Variants in RELN observed in about 807,000 individuals in gnomAD.
The protein encoded by RELN is reelin.
RELN carries 108 observed loss-of-function variants against 427.6 expected under a neutral mutation model. The observed-to-expected ratio is 0.25, with a 90% CI of 0.22 to 0.30. RELN has a LOEUF of 0.30. RELN is among the 10% of genes least tolerant of loss of function. The pLI, the probability that RELN is intolerant of heterozygous loss-of-function variation, is 1.00. For synonymous variants in RELN, 1,524 were observed against 1,513.4 expected (o/e 1.01, Z -0.16); for missense variants, 3,715 against 4,302.8 (o/e 0.86, Z 3.82).
chr7:103,647,534 A>G (rs1316752295), intron 16 of RELN, among the ~76,000 whole-genome samples: 2 of 116,930 alleles, frequency 1.7e-5, no homozygotes, highest in African/African-American at 3.1e-5. Context: ...TGAAACACTG[A>G]TGAAAAAAAA....
intron 2 of RELN, among the ~76,000 whole-genome samples, chr7:103,904,975 CTTTTTTTT>C (rs67024941): frequency 1.8e-4 from 14 of 77,362 alleles, no homozygotes; most frequent in East Asian, 4.5e-4. Flanking sequence ...AAGTTCTTTC[CTTTTTTTT>C]TTTTTTTTTT....
chr7:103,769,067 T>C (rs1194311846), intron 4 of RELN, among the ~76,000 whole-genome samples: 1 of 152,208 alleles, frequency 6.6e-6, no homozygotes, highest in Non-Finnish European at 1.5e-5. Flanking sequence ...TCACACCAAC[T>C]GACCTTGAAT....
At chr7:103,745,797 C>A (rs1163145852) in intron 6 of RELN, among the ~76,000 whole-genome samples, 1 of 152,066 alleles carries the variant, frequency 6.6e-6, no homozygotes, top group Non-Finnish European at 1.5e-5. Flanking sequence ...ACATTCCATG[C>A]TCATGGGTAG....
At chr7:103,571,149 T>C (rs1466623526) in intron 31 of RELN, among the ~76,000 whole-genome samples, 3 of 152,336 alleles carry the variant, frequency 2.0e-5, no homozygotes, top group East Asian at 3.9e-4. Context: ...AACACAGCTG[T>C]TGGTAGCTCT....
At chr7:103,507,197 A>G (rs1168314858) in intron 51 of RELN, among the ~76,000 whole-genome samples, 1 of 152,232 alleles carries the variant, frequency 6.6e-6, no homozygotes, top group Non-Finnish European at 1.5e-5. Context: ...AGACATCTAC[A>G]GAACTCTCCA....
intron 24 of RELN, among the ~76,000 whole-genome samples, chr7:103,602,535 C>G (rs1286352694): frequency 6.6e-6 from 1 of 152,110 alleles, no homozygotes; most frequent in Non-Finnish European, 1.5e-5. Context: ...TTTGCAGGGA[C>G]ATGGATGAAG....
At position 103,496,403 on chromosome 7, in the gene RELN, T is replaced by G. The variant is rs190932068; in HGVS notation, c.9193+123A>C. 3.6e-3 allele frequency: 4,799 copies of G among 1,333,474 alleles called. 19 individuals carry two copies. Among genetic ancestry groups the G allele is most frequent in the Middle Eastern group, 8.4e-3 (46 of 5,470 alleles). 82.6% of individuals were successfully genotyped at this position (1,333,474 alleles called of 1,614,324 possible). A position where few individuals can be genotyped will look rare whatever the true frequency, so the allele number is the denominator to read the frequency against. On this transcript the variant is annotated intron_variant, in intron 56 of 64. Coordinates refer to ENST00000428762, the MANE Select transcript of RELN (RefSeq NM_005045.4). Reference sequence around the variant, plus strand: ...CCACTGGGCAAAATAACAGCTAACATTTGTTGAGCAGGAGTATGGGCTAGG... The same window carrying G: ...CCACTGGGCAAAATAACAGCTAACAGTTGTTGAGCAGGAGTATGGGCTAGG...
At chr7:103,776,763 G>C (rs1791753220) in intron 3 of RELN, 136 bp from the exon 4 acceptor site, 2 of 881,428 alleles carry the variant, frequency 2.3e-6, no homozygotes, top group Admixed American at 2.1e-5. Flanking sequence ...CATCAGAAGA[G>C]TGATATAAAT....
chr7:103,957,771 T>C (rs531275178), intron 1 of RELN, among the ~76,000 whole-genome samples: 2 of 152,186 alleles, frequency 1.3e-5, no homozygotes, highest in Non-Finnish European at 2.9e-5. Context: ...TCCTGGATTG[T>C]TGGCTAAGTG....
intron 11 of RELN, among the ~76,000 whole-genome samples, chr7:103,673,761 C>G (rs750502738): frequency 6.6e-6 from 1 of 152,046 alleles, no homozygotes; most frequent in African/African-American, 2.4e-5. Context: ...TAAAAAAATG[C>G]TTAATGCTAC....
At chr7:103,681,819 A>C (rs1486193224) in intron 11 of RELN, among the ~76,000 whole-genome samples, 1 of 152,222 alleles carries the variant, frequency 6.6e-6, no homozygotes, top group Non-Finnish European at 1.5e-5. Flanking sequence ...TTTGTATTCT[A>C]TAAACATTGG....
intron 63 of RELN, among the ~76,000 whole-genome samples, chr7:103,481,248 A>C (rs62480380): frequency 0.012 from 1,844 of 152,230 alleles, 22 homozygotes; most frequent in Non-Finnish European, 0.018. Context: ...AGTGCAATTG[A>C]TTGTTTGGGC....
intron 2 of RELN, among the ~76,000 whole-genome samples, chr7:103,878,453 A>G (rs1794534502): frequency 6.6e-6 from 1 of 152,110 alleles, no homozygotes; most frequent in African/African-American, 2.4e-5. Context: ...ATATCTCAGA[A>G]CTGTTCCTGA....
chr7:103,498,498 A>T (rs929082480), intron 53 of RELN, among the ~76,000 whole-genome samples: 2 of 150,042 alleles, frequency 1.3e-5, no homozygotes, highest in Non-Finnish European at 3.0e-5. Context: ...GACTATATCA[A>T]TTTTTTTTTT....
intron 1 of RELN, among the ~76,000 whole-genome samples, chr7:103,966,302 G>T (rs1467356969): frequency 1.3e-5 from 2 of 152,192 alleles, no homozygotes; most frequent in African/African-American, 2.4e-5. Flanking sequence ...CCTGCACAGG[G>T]TGTCAGCCCA....
chr7:103,926,704 G>A (rs571466897), intron 1 of RELN, among the ~76,000 whole-genome samples: 18 of 142,712 alleles, frequency 1.3e-4, no homozygotes, highest in African/African-American at 4.7e-4. Context: ...GAGGGCAGTG[G>A]CCTGATCTCA....
At position 103,770,241 on chromosome 7, in the gene RELN, C is replaced by T. The variant is rs143369649; in HGVS notation, c.544+6316G>A. 7.7e-3 allele frequency among the ~76,000 whole-genome samples: 1,169 copies of T among 152,222 alleles called. 12 individuals carry two copies. Among genetic ancestry groups the T allele is most frequent in the African/African-American group, 0.026 (1,082 of 41,534 alleles). On this transcript the variant is annotated intron_variant, in intron 4 of 64. Transcript: ENST00000428762. ...CTGGGACTACAGGCATGTGCCATCA[C>T]GCCCAGCTAATTTTTTGTATTTTTA...
chr7:103,925,918 G>T lies in RELN; in HGVS notation c.227-8733C>A, dbSNP rs1437866150. ...TGATTTTTCTCCCCCAAAATCATCAGGTGTGTAAAGCTTTTATACAATAAA... is the reference window on the plus strand; with the variant it reads ...TGATTTTTCTCCCCCAAAATCATCATGTGTGTAAAGCTTTTATACAATAAA... On this transcript the variant is annotated intron_variant, in intron 1 of 64. Coordinates refer to ENST00000428762, the MANE Select transcript of RELN (RefSeq NM_005045.4). Among the ~76,000 whole-genome samples, 5 of 152,030 alleles carry T rather than the reference G, an allele frequency of 3.3e-5. No homozygotes were observed. In the South Asian group the frequency reaches 6.2e-4, roughly 19 times the overall value.
chr7:103,634,915 A>G (rs1440195193), intron 19 of RELN, among the ~76,000 whole-genome samples: 2 of 151,832 alleles, frequency 1.3e-5, no homozygotes, highest in Non-Finnish European at 2.9e-5. Context: ...TTGGAGTACA[A>G]TGGTGCAATC....
Sources: gnomAD v4.1 joint callset for allele counts (sites outside exome capture counted in the v4.1 genomes callset) on GRCh38, gnomAD v4.1.1 for gene constraint, MANE v1.5 for transcripts, NCBI Gene and HGNC (gene_info 2026-07-23, HGNC 2026-07-21) for gene names.